Variants in RRAS2 observed in about 807,000 individuals in gnomAD.
RRAS2 encodes ras-related protein R-Ras2.
A neutral mutation model predicts 27.6 loss-of-function variants in RRAS2; 7 were observed. That is an observed-to-expected ratio of 0.25 (90% CI 0.14 to 0.48). The LOEUF (loss-of-function observed/expected upper bound fraction) is 0.48, where lower values mean the gene tolerates loss of function less well. Among genes scored for constraint, RRAS2 ranks in the 20% least tolerant of loss-of-function variants. The pLI is 0.99. For missense variants in RRAS2, 178 were observed against 256.2 expected (o/e 0.69, Z 2.08); for synonymous variants, 86 against 90.9 (o/e 0.95, Z 0.31).
chr11:14,358,304 C>T lies in RRAS2; in HGVS notation c.108+459G>A. ...AGGCGGCGCGGGGAAGCCCGGAGAC[C>T]ACGCGGAGCCGCGGCCAAGTTGCCA... On this transcript the variant is annotated intron_variant, in intron 1 of 5. Transcript: ENST00000256196. This position sits in a 1 kb window ranked among gnomAD's most constrained non-coding sequence, Gnocchi z 5.1. 1 of 985,526 alleles carries T rather than the reference C, an allele frequency of 1.0e-6. No individual in the cohort carries two copies. The highest frequency in any genetic ancestry group is 1.2e-6 in the Non-Finnish European group (1 of 830,008). The allele number at this position is 985,526 out of a possible 1,614,324, so 61.0% of individuals were successfully genotyped here.
chr11:14,326,467 T>C (rs1322869981), intron 1 of RRAS2, among the ~76,000 whole-genome samples: 1 of 152,214 alleles, frequency 6.6e-6, no homozygotes, highest in Non-Finnish European at 1.5e-5. Context: ...TCAGGAAATA[T>C]GTGCTTTCTA....
chr11:14,325,813 C>CT (rs1409339580), intron 1 of RRAS2, among the ~76,000 whole-genome samples: 1 of 152,050 alleles, frequency 6.6e-6, no homozygotes, highest in Non-Finnish European at 1.5e-5. Context: ...TAGAAGTAGT[C>CT]TTTTTGTTTG....
intron 1 of RRAS2, among the ~76,000 whole-genome samples, chr11:14,298,466 T>TA (rs1847615190): frequency 6.6e-6 from 1 of 152,238 alleles, no homozygotes; most frequent in African/African-American, 2.4e-5. Context: ...TGAAGTCCAG[T>TA]ATAATAAACT....
intron 4 of RRAS2, among the ~76,000 whole-genome samples, chr11:14,286,370 T>A (rs1251072796): frequency 6.6e-6 from 1 of 152,212 alleles, no homozygotes; most frequent in Non-Finnish European, 1.5e-5. Flanking sequence ...GGAAATACAT[T>A]ATCCTTTCAG....
chr11:14,300,511 A>G (rs2133969812), intron 1 of RRAS2, among the ~76,000 whole-genome samples: 1 of 152,190 alleles, frequency 6.6e-6, no homozygotes, highest in East Asian at 1.9e-4. Flanking sequence ...GCCCAGAAAG[A>G]TGAGGTTGCA....
Position 14,335,686 on chromosome 11 carries a change from ACT to A in RRAS2, c.108+23075_108+23076del, listed in dbSNP as rs1422463497. On this transcript the variant is annotated intron_variant, in intron 1 of 5. Transcript: ENST00000256196. ...ACTAAAAATCCTTGACAAACATAAG[ACT>A]CTGAAAGTTTGAGGGAAGGCATATA... Among the ~76,000 whole-genome samples the A allele has an allele frequency of 3.6e-4, 55 of 152,224 alleles. 1 individual carries two copies. Among genetic ancestry groups the A allele is most frequent in the African/African-American group, 1.2e-3 (50 of 41,544 alleles).
chr11:14,315,082 C>A (rs1325805766), intron 1 of RRAS2, among the ~76,000 whole-genome samples: 18 of 152,126 alleles, frequency 1.2e-4, no homozygotes, highest in African/African-American at 4.3e-4. Context: ...TAAACTAAGC[C>A]TCTACTATTT....
intron 1 of RRAS2, among the ~76,000 whole-genome samples, chr11:14,354,786 CTT>C (rs2134042823): frequency 6.8e-6 from 1 of 147,034 alleles, no homozygotes; most frequent in Admixed American, 7.1e-5. Flanking sequence ...AAGTGATTCT[CTT>C]GACTCAGCCT....
chr11:14,308,814 G>C (rs1554948455), intron 1 of RRAS2, among the ~76,000 whole-genome samples: 1 of 152,086 alleles, frequency 6.6e-6, no homozygotes, highest in Non-Finnish European at 1.5e-5. Flanking sequence ...CCCCCTTCAG[G>C]TGCTATGAAG....
intron 4 of RRAS2, among the ~76,000 whole-genome samples, chr11:14,290,960 T>C (rs182679946): frequency 1.3e-5 from 2 of 152,316 alleles, no homozygotes; most frequent in Admixed American, 1.3e-4. Flanking sequence ...GAAATGTTCA[T>C]CTGAAATAGA....
intron 1 of RRAS2, among the ~76,000 whole-genome samples, chr11:14,351,655 G>T (rs1438138212): frequency 6.7e-6 from 1 of 149,054 alleles, no homozygotes; most frequent in African/African-American, 2.5e-5. Context: ...GCTTGAGCCC[G>T]GGAGGTGGAG....
intron 4 of RRAS2, among the ~76,000 whole-genome samples, chr11:14,293,159 A>ATATATC: frequency 8.1e-6 from 1 of 123,668 alleles, no homozygotes; most frequent in Non-Finnish European, 1.7e-5. Context: ...ATATATATAT[A>ATATATC]TATCATTTTC....
At chr11:14,325,035 T>C (rs1848320007) in intron 1 of RRAS2, among the ~76,000 whole-genome samples, 1 of 152,144 alleles carries the variant, frequency 6.6e-6, no homozygotes, top group Non-Finnish European at 1.5e-5. Context: ...TAGCAAAGCC[T>C]CACAAGTTTT....
Position 14,325,310 on chromosome 11 carries a change from ATT to A in RRAS2, c.109-29457_109-29456del, listed in dbSNP as rs35405878. Among the ~76,000 whole-genome samples, 1,210 of 124,686 alleles carry A rather than the reference ATT, an allele frequency of 9.7e-3. 5 individuals carry two copies. Among genetic ancestry groups the A allele is most frequent in the East Asian group, 0.025 (103 of 4,192 alleles). 81.8% of individuals were successfully genotyped at this position (124,686 alleles called of 152,430 possible). A position where few individuals can be genotyped will look rare whatever the true frequency, so the allele number is the denominator to read the frequency against. Reference sequence around the variant, plus strand: ...GGGAGTTTCTTTTAATCCTTTTAGTATTTTTTTTTTTTTTTTTTTGAGACAGA... The same window carrying A: ...GGGAGTTTCTTTTAATCCTTTTAGTATTTTTTTTTTTTTTTTTGAGACAGA... On this transcript the variant is annotated intron_variant, in intron 1 of 5. Transcript: ENST00000256196.
At chr11:14,320,918 C>A (rs1296881101) in intron 1 of RRAS2, among the ~76,000 whole-genome samples, 2 of 152,170 alleles carry the variant, frequency 1.3e-5, no homozygotes, top group Admixed American at 6.5e-5. Flanking sequence ...TAGTGGCTCA[C>A]GCCTATAATC....
chr11:14,360,339 G>C (rs1159685275), upstream of RRAS2, among the ~76,000 whole-genome samples: 1 of 152,064 alleles, frequency 6.6e-6, no homozygotes, highest in African/African-American at 2.4e-5. Flanking sequence ...ATGCAACTGC[G>C]TGAGAGACCC....
intron 1 of RRAS2, among the ~76,000 whole-genome samples, chr11:14,319,047 G>A (rs901116872): frequency 2.6e-5 from 4 of 152,154 alleles, no homozygotes; most frequent in African/African-American, 4.8e-5. Context: ...GCCCAGTCAC[G>A]AGGCTAGTAA....
intron 1 of RRAS2, among the ~76,000 whole-genome samples, chr11:14,329,670 T>C (rs1196322073): frequency 6.6e-6 from 1 of 152,192 alleles, no homozygotes; most frequent in African/African-American, 2.4e-5. Flanking sequence ...TTTCTGGCCA[T>C]GATGCCAAAA....
At chr11:14,318,095 A>AC (rs1363945322) in intron 1 of RRAS2, among the ~76,000 whole-genome samples, 5 of 152,146 alleles carry the variant, frequency 3.3e-5, no homozygotes, top group Non-Finnish European at 7.3e-5. Flanking sequence ...GGAAAAGGAA[A>AC]CCCTGTCTTC....
Sources: gnomAD v4.1 joint callset for allele counts (sites outside exome capture counted in the v4.1 genomes callset) on GRCh38, gnomAD v4.1.1 for gene constraint, Gnocchi (gnomAD v3.1) non-coding constraint, MANE v1.5 for transcripts, NCBI Gene and HGNC (gene_info 2026-07-23, HGNC 2026-07-21) for gene names.